The following RETREG1 variants were observed in gnomAD, a reference collection of about 807,000 sequenced individuals.
The protein encoded by RETREG1 is reticulophagy regulator 1.
RETREG1 carries 44 observed loss-of-function variants against 54.8 expected under a neutral mutation model. The observed-to-expected ratio is 0.80, with a 90% CI of 0.63 to 1.03. The LOEUF (loss-of-function observed/expected upper bound fraction) is 1.03, where lower values mean the gene tolerates loss of function less well. Among genes scored for constraint, RETREG1 ranks in the 50% least tolerant of loss-of-function variants. The probability of loss-of-function intolerance (pLI) is 0.00; values close to 1 mark genes in which losing one functional copy is unlikely to be tolerated. For synonymous variants in RETREG1, 217 were observed against 238.5 expected (o/e 0.91, Z 0.83); for missense variants, 554 against 605.1 (o/e 0.92, Z 0.89).
intron 3 of RETREG1, among the ~76,000 whole-genome samples, chr5:16,503,888 T>A (rs376271095): frequency 0.24 from 35,686 of 151,808 alleles, 4,440 homozygotes; most frequent in Middle Eastern, 0.31. Flanking sequence ...CAGCTTCACT[T>A]TTTTTTTCAT....
intron 3 of RETREG1, among the ~76,000 whole-genome samples, chr5:16,497,482 C>T (rs1489088785): frequency 2.0e-5 from 3 of 152,214 alleles, no homozygotes; most frequent in Admixed American, 6.5e-5. Context: ...CCCTGCCTAG[C>T]AGTTAACCTG....
chr5:16,520,652 T>C (rs748239799), intron 3 of RETREG1, among the ~76,000 whole-genome samples: 12 of 152,196 alleles, frequency 7.9e-5, no homozygotes, highest in Non-Finnish European at 1.3e-4. Flanking sequence ...GAAAAGTTCA[T>C]TGACTGCTGC....
intron 3 of RETREG1, among the ~76,000 whole-genome samples, chr5:16,527,800 A>AT (rs386403108): frequency 0.03 from 1,960 of 66,094 alleles, 411 homozygotes; most frequent in African/African-American, 0.1. Context: ...AGGGACTCTA[A>AT]TTTTTTTTTT....
At chr5:16,480,142 C>T (rs1738704124) in intron 5 of RETREG1, among the ~76,000 whole-genome samples, 1 of 151,990 alleles carries the variant, frequency 6.6e-6, no homozygotes, top group Non-Finnish European at 1.5e-5. Context: ...TCTCCTGCCT[C>T]TTCTCCCTGC....
chr5:16,517,688 A>G (rs1409957475), intron 3 of RETREG1, among the ~76,000 whole-genome samples: 2 of 152,164 alleles, frequency 1.3e-5, no homozygotes, highest in East Asian at 1.9e-4. Flanking sequence ...GGGCAGCCAC[A>G]TGTTTTTGAT....
chr5:16,601,734 A>C (rs2126360099), intron 1 of RETREG1, among the ~76,000 whole-genome samples: 1 of 152,330 alleles, frequency 6.6e-6, no homozygotes, highest in South Asian at 2.1e-4. Flanking sequence ...AAATTTTCCA[A>C]AACTGAAAGA....
At chr5:16,613,080 G>A (rs1743392438) in intron 1 of RETREG1, among the ~76,000 whole-genome samples, 1 of 144,168 alleles carries the variant, frequency 6.9e-6, no homozygotes, top group Non-Finnish European at 1.5e-5. Flanking sequence ...AATTATTTGT[G>A]GATACTTCTA....
At chr5:16,563,328 G>A (rs942606821) in intron 3 of RETREG1, among the ~76,000 whole-genome samples, 6 of 152,138 alleles carry the variant, frequency 3.9e-5, no homozygotes, top group African/African-American at 1.2e-4. Flanking sequence ...CGTGATCTCC[G>A]CTCACTGCAA....
intron 3 of RETREG1, among the ~76,000 whole-genome samples, chr5:16,538,846 A>G (rs992775259): frequency 2.0e-5 from 3 of 152,066 alleles, no homozygotes; most frequent in Non-Finnish European, 4.4e-5. Context: ...CTGGGACTAC[A>G]GGCGCCTGCC....
At position 16,547,833 on chromosome 5, in the gene RETREG1, G is replaced by A. The variant is rs188049456; in HGVS notation, c.458+17930C>T. Among the ~76,000 whole-genome samples, 484 of 152,200 alleles carry A rather than the reference G, an allele frequency of 3.2e-3. 1 individual carries two copies. Among genetic ancestry groups the A allele is most frequent in the Non-Finnish European group, 5.1e-3 (348 of 68,014 alleles). ...GTAAAACTGTTCTGGTTTTGAAAGAGGGAGAAATAATCAGGTATTGAGTAC... is the reference window on the plus strand; with the variant it reads ...GTAAAACTGTTCTGGTTTTGAAAGAAGGAGAAATAATCAGGTATTGAGTAC... On this transcript the variant is annotated intron_variant, in intron 3 of 8. Coordinates refer to ENST00000306320, the MANE Select transcript of RETREG1 (RefSeq NM_001034850.3).
At chr5:16,551,785 T>C (rs1013428254) in intron 3 of RETREG1, among the ~76,000 whole-genome samples, 1 of 152,132 alleles carries the variant, frequency 6.6e-6, no homozygotes, top group Non-Finnish European at 1.5e-5. Flanking sequence ...AAATCCATCA[T>C]CTTGCAGTTC....
At chr5:16,506,754 A>G (rs2126561127) in intron 3 of RETREG1, among the ~76,000 whole-genome samples, 1 of 152,280 alleles carries the variant, frequency 6.6e-6, no homozygotes, top group African/African-American at 2.4e-5. Flanking sequence ...TTCTTTCTGC[A>G]CAGATAGGGA....
At chr5:16,497,913 A>G (rs544047383) in intron 3 of RETREG1, among the ~76,000 whole-genome samples, 1 of 152,300 alleles carries the variant, frequency 6.6e-6, no homozygotes, top group Non-Finnish European at 1.5e-5. Flanking sequence ...CCTATGCCCA[A>G]AAAAGAGGGT....
In RETREG1 at chr5:16,609,697, C is replaced by T. The variant is rs772398628; in HGVS notation, c.320+6955G>A. On this transcript the variant is annotated intron_variant, in intron 1 of 8. Coordinates refer to ENST00000306320, the MANE Select transcript of RETREG1 (RefSeq NM_001034850.3). Reference sequence around the variant, plus strand: ...GTGGAAGGGCCCAGGATTTCTCAGCCGGGGAAGAGAAGACTCAGTGGGAAC... The same window carrying T: ...GTGGAAGGGCCCAGGATTTCTCAGCTGGGGAAGAGAAGACTCAGTGGGAAC... 7.2e-5 allele frequency among the ~76,000 whole-genome samples: 11 copies of T among 152,176 alleles called. No individual in the cohort carries two copies. In the South Asian group the frequency reaches 1.0e-3, roughly 14 times the overall value.
At chr5:16,602,851 A>T (rs1255426481) in intron 1 of RETREG1, among the ~76,000 whole-genome samples, 1 of 152,116 alleles carries the variant, frequency 6.6e-6, no homozygotes, top group Non-Finnish European at 1.5e-5. Flanking sequence ...CTGCTAAAAA[A>T]TACAAAATTA....
intron 3 of RETREG1, among the ~76,000 whole-genome samples, chr5:16,520,580 A>C (rs2126580220): frequency 6.6e-6 from 1 of 152,244 alleles, no homozygotes. Context: ...CTCCTGCCCC[A>C]GCCTCCCAAA....
chr5:16,565,548 A>G (rs551384770), intron 3 of RETREG1, among the ~76,000 whole-genome samples: 4 of 152,234 alleles, frequency 2.6e-5, no homozygotes, highest in Admixed American at 2.0e-4. Context: ...GTTGCCCAGT[A>G]TCATAGCAAG....
intron 3 of RETREG1, among the ~76,000 whole-genome samples, chr5:16,518,260 T>C (rs1372940261): frequency 6.7e-6 from 1 of 148,258 alleles, no homozygotes; most frequent in Non-Finnish European, 1.5e-5. Flanking sequence ...TATGGATTTA[T>C]ATACTGATTT....
At position 16,527,800 on chromosome 5, in the gene RETREG1, A is replaced by ATTTTTTTTTTTTTTTTTTT. The variant is rs386403108; in HGVS notation, c.458+37944_458+37962dup. On this transcript the variant is annotated intron_variant, in intron 3 of 8. Transcript: ENST00000306320. The stretch of plus-strand genomic sequence containing the variant: ...CTTAGTACAATTTCGAGGGACTCTA[A>ATTTTTTTTTTTTTTTTTTT]TTTTTTTTTTTTTTTTTTTTTTTTT... 1.2e-3 allele frequency among the ~76,000 whole-genome samples: 78 copies of ATTTTTTTTTTTTTTTTTTT among 66,258 alleles called. 16 individuals are homozygous for ATTTTTTTTTTTTTTTTTTT. Among genetic ancestry groups the ATTTTTTTTTTTTTTTTTTT allele is most frequent in the Admixed American group, 1.6e-3 (7 of 4,264 alleles). 43.5% of individuals were successfully genotyped at this position (66,258 alleles called of 152,430 possible).
Sources: gnomAD v4.1 joint callset for allele counts (sites outside exome capture counted in the v4.1 genomes callset) on GRCh38, gnomAD v4.1.1 for gene constraint, MANE v1.5 for transcripts, NCBI Gene and HGNC (gene_info 2026-07-23, HGNC 2026-07-21) for gene names.